Variants in HDAC4 observed in about 807,000 individuals in gnomAD.
The protein encoded by HDAC4 is histone deacetylase 4.
In HDAC4, 16 loss-of-function variants were observed where a neutral mutation model predicts 135.1. The observed-to-expected ratio is 0.12, with a 90% CI of 0.08 to 0.18. HDAC4 has a LOEUF of 0.18. Ranked by LOEUF, HDAC4 falls within the 10% of genes least tolerant of loss-of-function variation. The probability of loss-of-function intolerance (pLI) is 1.00; values close to 1 mark genes in which losing one functional copy is unlikely to be tolerated. For synonymous variants in HDAC4, 685 were observed against 653.4 expected (o/e 1.05, Z -0.74); for missense variants, 1,143 against 1,511.8 (o/e 0.76, Z 4.05).
chr2:239,127,589 A>C (rs1355030916), intron 11 of HDAC4, among the ~76,000 whole-genome samples: 1 of 152,256 alleles, frequency 6.6e-6, no homozygotes, highest in South Asian at 2.1e-4. Context: ...ACACTAAACT[A>C]AACAATGCTG....
At position 239,146,214 on chromosome 2, in the gene HDAC4, A is replaced by G. The variant is rs374142825; in HGVS notation, c.734-1500T>C. Among the ~76,000 whole-genome samples the G allele has an allele frequency of 6.6e-6, 1 of 152,176 alleles. No individual in the cohort carries two copies. Among genetic ancestry groups the G allele is most frequent in the East Asian group, 1.9e-4 (1 of 5,192 alleles). On this transcript the variant is annotated intron_variant, in intron 7 of 26. Transcript: ENST00000543185. This position sits in a 1 kb window ranked among gnomAD's most constrained non-coding sequence, Gnocchi z 4.5. The stretch of plus-strand genomic sequence containing the variant: ...CTATTTCCACGCTGGGTTTCTTGCC[A>G]TTATTCAAAAGACAAAACAAAACCA...
rs115289961 is a variant in HDAC4, at chr2:239,257,817, A to G, written c.23-21153T>C. On this transcript the variant is annotated intron_variant, in intron 2 of 26. Coordinates refer to ENST00000543185, the MANE Select transcript of HDAC4 (RefSeq NM_001378414.1). ...TCAACACACACACTTACACATTCAC[A>G]TATCAGGCAGAGGAAAAGACAACCC... is the stretch of plus-strand genomic sequence containing the variant. Among the ~76,000 whole-genome samples, 811 of 152,294 alleles carry G rather than the reference A, an allele frequency of 5.3e-3. 15 individuals are homozygous for G. The highest frequency in any genetic ancestry group is 0.019 in the African/African-American group (782 of 41,550).
At chr2:239,165,256 C>G (rs964472513) in intron 5 of HDAC4, among the ~76,000 whole-genome samples, 1 of 152,150 alleles carries the variant, frequency 6.6e-6, no homozygotes, top group African/African-American at 2.4e-5. Context: ...AACTTCTCTA[C>G]ACGCTGACCC....
chr2:239,241,164 A>T (rs1025223760), intron 2 of HDAC4, among the ~76,000 whole-genome samples: 5 of 152,128 alleles, frequency 3.3e-5, no homozygotes, highest in African/African-American at 1.2e-4. Flanking sequence ...GCCCTCCACC[A>T]AGGGTTTCAC....
At chr2:239,368,053 T>C (rs1000437700) in intron 1 of HDAC4, among the ~76,000 whole-genome samples, 4 of 152,178 alleles carry the variant, frequency 2.6e-5, no homozygotes, top group Non-Finnish European at 4.4e-5. Flanking sequence ...TCATTATGTA[T>C]ACGCAAATAC....
At chr2:239,320,861 A>AAGT (rs2053284870) in intron 2 of HDAC4, among the ~76,000 whole-genome samples, 1 of 152,236 alleles carries the variant, frequency 6.6e-6, no homozygotes, top group African/African-American at 2.4e-5. Flanking sequence ...AACTTGTAAG[A>AAGT]ACTACATATT....
Position 239,068,382 on chromosome 2 carries a change from G to C in HDAC4, c.2869+107C>G. On this transcript the variant is annotated intron_variant, in intron 23 of 26. Coordinates refer to ENST00000543185, the MANE Select transcript of HDAC4 (RefSeq NM_001378414.1). This position sits in a 1 kb window ranked among gnomAD's most constrained non-coding sequence, Gnocchi z 4.4. ...TCAGAACCTTGGTCATTAGTAAAAA[G>C]GTGCCCTTCCTTATCTCGTTATTAA... The C allele has an allele frequency of 1.5e-5, 12 of 819,720 alleles. No homozygotes were observed. Among genetic ancestry groups the C allele is most frequent in the Non-Finnish European group, 2.3e-5 (11 of 476,966 alleles). 50.8% of individuals were successfully genotyped at this position (819,720 alleles called of 1,614,324 possible).
chr2:239,189,986 T>C lies in HDAC4; in HGVS notation c.186A>G (p.Ala62=), dbSNP rs1363332862. ...RLDHQFSLPV[A]EPALREQQLQ... ...GCTGCTGCTCCCGCAGGGCCGGCTC[T>C]GCCACAGGCAGTGAGAACTGGTGGT... The change falls in exon 4 of 27, where the codon GCA becomes GCG. Residue 62 remains alanine, a synonymous_variant. Transcript: ENST00000543185. The C allele has an allele frequency of 1.2e-6, 2 of 1,607,260 alleles. No individual in the cohort carries two copies. Among genetic ancestry groups the C allele is most frequent in the Admixed American group, 1.7e-5 (1 of 59,986 alleles).
In HDAC4 at chr2:239,139,157, T is replaced by C. The variant is rs776979649; in HGVS notation, c.978+527A>G. ...CCCGCTCTGTGGCTTTGGCCGGCCC[T>C]GCCATGCTGACCACGGGTGACGCTC... On this transcript the variant is annotated intron_variant, in intron 9 of 26. Transcript: ENST00000543185. The surrounding 1 kb of genome is among the most constrained non-coding windows in gnomAD (Gnocchi z 5.3). Among the ~76,000 whole-genome samples, 7 of 152,220 alleles carry C rather than the reference T, an allele frequency of 4.6e-5. No homozygotes were observed. The highest frequency in any genetic ancestry group is 8.8e-5 in the Non-Finnish European group (6 of 68,036).
chr2:239,332,936 T>G (rs1691682881), intron 2 of HDAC4, among the ~76,000 whole-genome samples: 1 of 152,128 alleles, frequency 6.6e-6, no homozygotes, highest in Admixed American at 6.5e-5. Flanking sequence ...TAAACAACTT[T>G]ATTTCAATAC....
In HDAC4 at chr2:239,243,594, C is replaced by T. The variant is rs377248301; in HGVS notation, c.23-6930G>A. 3.9e-5 allele frequency among the ~76,000 whole-genome samples: 6 copies of T among 151,938 alleles called. No homozygotes were observed. In the South Asian group the frequency reaches 6.2e-4, roughly 16 times the overall value. ...TGCTAACAGAGCTGCTTTTCAGACA[C>T]GGGAACGGAAGCTTAGGGCTACTGG... On this transcript the variant is annotated intron_variant, in intron 2 of 26. Coordinates refer to ENST00000543185, the MANE Select transcript of HDAC4 (RefSeq NM_001378414.1).
chr2:239,096,376 C>CCCA (rs1553613629), intron 16 of HDAC4, among the ~76,000 whole-genome samples: 2 of 133,312 alleles, frequency 1.5e-5, no homozygotes, highest in Admixed American at 7.5e-5. Flanking sequence ...TGCAACCCCC[C>CCCA]CCGACACCTG....
At chr2:239,209,903 T>C (rs2046267924) in intron 3 of HDAC4, among the ~76,000 whole-genome samples, 1 of 152,088 alleles carries the variant, frequency 6.6e-6, no homozygotes, top group Non-Finnish European at 1.5e-5. Context: ...ACCATGTTAG[T>C]GAGGGCGGAA....
rs1300408020 is a variant in HDAC4, at chr2:239,063,660, C to T, written c.3003+3062G>A. 7.9e-5 allele frequency among the ~76,000 whole-genome samples: 12 copies of T among 152,324 alleles called. No individual in the cohort carries two copies. In the South Asian group the frequency reaches 1.7e-3, roughly 21 times the overall value. Reference sequence around the variant, plus strand: ...CTCTCTCCCCTTTCCCCTTCTGCCTCGTGCTCTTGGCTTGGCCAGCCCAGC... The same window carrying T: ...CTCTCTCCCCTTTCCCCTTCTGCCTTGTGCTCTTGGCTTGGCCAGCCCAGC... On this transcript the variant is annotated intron_variant, in intron 24 of 26. Coordinates refer to ENST00000543185, the MANE Select transcript of HDAC4 (RefSeq NM_001378414.1).
chr2:239,184,182 C>A (rs1033245911), intron 4 of HDAC4, among the ~76,000 whole-genome samples: 1 of 151,800 alleles, frequency 6.6e-6, no homozygotes, highest in African/African-American at 2.4e-5. Flanking sequence ...AGAAAAGGCA[C>A]GCCTTACACC....
intron 3 of HDAC4, among the ~76,000 whole-genome samples, chr2:239,212,247 G>C (rs2046385654): frequency 6.6e-6 from 1 of 152,130 alleles, no homozygotes; most frequent in Admixed American, 6.5e-5. Context: ...TTGGTTGAAA[G>C]GGTCTTTCTA....
intron 12 of HDAC4, among the ~76,000 whole-genome samples, chr2:239,117,759 G>A (rs1025150681): frequency 3.9e-5 from 6 of 152,124 alleles, no homozygotes; most frequent in Non-Finnish European, 7.3e-5. Context: ...ATCTGTCCCC[G>A]TGGGGAACGG....
chr2:239,276,723 C>T (rs1019746028), intron 2 of HDAC4, among the ~76,000 whole-genome samples: 23 of 152,232 alleles, frequency 1.5e-4, no homozygotes, highest in Non-Finnish European at 2.6e-4. Context: ...TGCCTGGACA[C>T]TGCTCGCTGC....
intron 3 of HDAC4, among the ~76,000 whole-genome samples, chr2:239,235,494 C>T (rs572498659): frequency 3.3e-5 from 5 of 152,328 alleles, no homozygotes; most frequent in East Asian, 1.9e-4. Context: ...ACCCAGGCCT[C>T]GGGACGCAGT....
Sources: allele counts gnomAD v4.1 joint callset (sites outside exome capture counted in the v4.1 genomes callset), GRCh38; gene constraint gnomAD v4.1.1; non-coding constraint Gnocchi (gnomAD v3.1); transcripts MANE v1.5; gene names NCBI Gene and HGNC (gene_info 2026-07-23, HGNC 2026-07-21).